Variants in BTRC observed in about 807,000 individuals in gnomAD.
The protein encoded by BTRC is beta-transducin repeat containing E3 ubiquitin protein ligase.
A neutral mutation model predicts 85.5 loss-of-function variants in BTRC; 42 were observed. The ratio of observed to expected loss-of-function variants is 0.49; its 90% CI spans 0.38 to 0.64. BTRC has a LOEUF of 0.64. Among genes scored for constraint, BTRC ranks in the 30% least tolerant of loss-of-function variants. The probability of loss-of-function intolerance (pLI) is 0.00; values close to 1 mark genes in which losing one functional copy is unlikely to be tolerated. For synonymous variants in BTRC, 255 were observed against 263.3 expected (o/e 0.97, Z 0.30); for missense variants, 594 against 743.5 (o/e 0.80, Z 2.34).
chr10:101,456,196 A>G (rs900438326), intron 2 of BTRC, among the ~76,000 whole-genome samples: 1 of 151,762 alleles, frequency 6.6e-6, no homozygotes. Flanking sequence ...GATGATTGCC[A>G]CTCTAGTGTA....
intron 1 of BTRC, among the ~76,000 whole-genome samples, chr10:101,397,950 A>G (rs572404083): frequency 6.6e-6 from 1 of 152,304 alleles, no homozygotes; most frequent in Non-Finnish European, 1.5e-5. Flanking sequence ...AAATGCCATT[A>G]TTTCCTTCCC....
intron 1 of BTRC, among the ~76,000 whole-genome samples, chr10:101,391,644 A>G (rs139818083): frequency 5.3e-5 from 8 of 152,312 alleles, no homozygotes; most frequent in Non-Finnish European, 1.2e-4. Flanking sequence ...AAATTTGGGA[A>G]ATTTGCTCTC....
chr10:101,416,100 A>ATTTTTG (rs1943939629), intron 1 of BTRC, among the ~76,000 whole-genome samples: 1 of 152,166 alleles, frequency 6.6e-6, no homozygotes, highest in Non-Finnish European at 1.5e-5. Context: ...TAAGTGTCAC[A>ATTTTTG]TGACTGTATT....
At chr10:101,374,023 T>C (rs1942716960) in intron 1 of BTRC, among the ~76,000 whole-genome samples, 1 of 152,096 alleles carries the variant, frequency 6.6e-6, no homozygotes, top group African/African-American at 2.4e-5. Context: ...ATGGAGATTA[T>C]ATATTATTCT....
At chr10:101,508,953 A>G (rs2134320680) in intron 4 of BTRC, among the ~76,000 whole-genome samples, 1 of 151,270 alleles carries the variant, frequency 6.6e-6, no homozygotes, top group South Asian at 2.1e-4. Flanking sequence ...GTAGAATGTT[A>G]AAAGTTATTA....
chr10:101,508,913 T>TAAAA (rs59998718), intron 4 of BTRC, among the ~76,000 whole-genome samples: 7 of 101,928 alleles, frequency 6.9e-5, no homozygotes, highest in Non-Finnish European at 9.8e-5. Context: ...GACTCCATCT[T>TAAAA]AAAAAAAAAA....
chr10:101,478,781 C>CAAAA (rs71472573), intron 3 of BTRC, among the ~76,000 whole-genome samples: 29 of 119,900 alleles, frequency 2.4e-4, no homozygotes, highest in African/African-American at 8.0e-4. Flanking sequence ...GACCCTATCT[C>CAAAA]AAAAAAAAAA....
At chr10:101,369,381 T>C (rs79131241) in intron 1 of BTRC, among the ~76,000 whole-genome samples, 2,650 of 152,222 alleles carry the variant, frequency 0.017, 74 homozygotes, top group East Asian at 0.063. Context: ...ATTTTTTGTG[T>C]GCCAGGACTC....
chr10:101,455,235 T>A (rs1280557649), intron 2 of BTRC, among the ~76,000 whole-genome samples: 5 of 144,542 alleles, frequency 3.5e-5, no homozygotes, highest in Admixed American at 7.0e-5. Context: ...TTTTTTTTTT[T>A]ATGTAGAGGT....
At chr10:101,413,515 TC>T (rs1355126699) in intron 1 of BTRC, among the ~76,000 whole-genome samples, 4 of 152,192 alleles carry the variant, frequency 2.6e-5, no homozygotes, top group African/African-American at 9.6e-5. Context: ...GGTTTCACCA[TC>T]TTGGCCAGGC....
At chr10:101,377,526 C>T (rs1201554562) in intron 1 of BTRC, among the ~76,000 whole-genome samples, 1 of 152,184 alleles carries the variant, frequency 6.6e-6, no homozygotes, top group Non-Finnish European at 1.5e-5. Flanking sequence ...TGATCTACAT[C>T]CGTGTCAGCA....
At chr10:101,458,856 G>A (rs1458288531) in intron 2 of BTRC, among the ~76,000 whole-genome samples, 1 of 152,058 alleles carries the variant, frequency 6.6e-6, no homozygotes, top group African/African-American at 2.4e-5. Context: ...TCCACTATGA[G>A]GTTACTCTTT....
In BTRC at chr10:101,553,912, T is replaced by C. The variant is rs953861646; in HGVS notation, c.*789T>C. 1.3e-5 allele frequency: 2 copies of C among 152,640 alleles called. No homozygotes were observed. The highest frequency in any genetic ancestry group is 4.8e-5 in the African/African-American group (2 of 41,456). 9.5% of individuals were successfully genotyped at this position (152,640 alleles called of 1,614,324 possible). A position where few individuals can be genotyped will look rare whatever the true frequency, so the allele number is the denominator to read the frequency against. On this transcript the variant is annotated 3_prime_UTR_variant, in exon 15 of 15. Transcript: ENST00000370187. ...TGCAACACTTGGAAGAGTTAAATGC[T>C]GTTCAGTGAAGATTTCAGCCCCAGG...
Position 101,475,944 on chromosome 10 carries a change from TATATATATA to T in BTRC, c.235-3423_235-3415del, listed in dbSNP as rs1564795646. 3.8e-5 allele frequency among the ~76,000 whole-genome samples: 5 copies of T among 131,670 alleles called. 1 individual carries two copies. Among genetic ancestry groups the T allele is most frequent in the African/African-American group, 8.3e-5 (3 of 36,124 alleles). The allele number at this position is 131,670 out of a possible 152,430, so 86.4% of individuals were successfully genotyped here. A position where few individuals can be genotyped will look rare whatever the true frequency, so the allele number is the denominator to read the frequency against. ...TGCCATATATATATATATATATATATATATATATATTCAGTAATTCCTAAGGGGAAAATA... is the reference window on the plus strand; with the variant it reads ...TGCCATATATATATATATATATATATTTCAGTAATTCCTAAGGGGAAAATA... On this transcript the variant is annotated intron_variant, in intron 3 of 14. Transcript: ENST00000370187.
chr10:101,445,872 G>A (rs1185840199), intron 2 of BTRC, among the ~76,000 whole-genome samples: 1 of 152,162 alleles, frequency 6.6e-6, no homozygotes, highest in African/African-American at 2.4e-5. Context: ...ATGACGGGGA[G>A]GGTGTTAAAG....
intron 13 of BTRC, among the ~76,000 whole-genome samples, chr10:101,538,850 C>T (rs2062425892): frequency 6.6e-6 from 1 of 151,936 alleles, no homozygotes; most frequent in Non-Finnish European, 1.5e-5. Flanking sequence ...GAGTTCAAGA[C>T]CAGCTTGACC....
chr10:101,476,944 G>C (rs1945705194), intron 3 of BTRC, among the ~76,000 whole-genome samples: 1 of 151,990 alleles, frequency 6.6e-6, no homozygotes, highest in African/African-American at 2.4e-5. Flanking sequence ...AAATGCAAAT[G>C]TTCAGAAGCT....
At chr10:101,425,725 G>C (rs1035749331) in intron 1 of BTRC, among the ~76,000 whole-genome samples, 1 of 151,604 alleles carries the variant, frequency 6.6e-6, no homozygotes, top group Non-Finnish European at 1.5e-5. Flanking sequence ...CAGAAGGATT[G>C]CTTAAGTCCA....
At chr10:101,513,745 A>T (rs2061987210) in intron 4 of BTRC, among the ~76,000 whole-genome samples, 1 of 152,204 alleles carries the variant, frequency 6.6e-6, no homozygotes, top group Non-Finnish European at 1.5e-5. Context: ...ACATTAAAGT[A>T]CCAGTCTTTG....
Sources: allele counts gnomAD v4.1 joint callset (sites outside exome capture counted in the v4.1 genomes callset), GRCh38; gene constraint gnomAD v4.1.1; transcripts MANE v1.5; gene names NCBI Gene and HGNC (gene_info 2026-07-23, HGNC 2026-07-21).